Variants in SARDH observed in about 807,000 individuals in gnomAD.
SARDH encodes the protein sarcosine dehydrogenase, also known as sarcosine dehydrogenase, mitochondrial.
Under a neutral mutation model 109.1 loss-of-function variants are expected in SARDH, and 95 were observed. That is an observed-to-expected ratio of 0.87 (90% CI 0.74 to 1.03). The LOEUF (loss-of-function observed/expected upper bound fraction) is 1.03. Among genes scored for constraint, SARDH ranks in the 50% least tolerant of loss-of-function variants. The pLI is 0.00. For missense variants in SARDH, 1,267 were observed against 1,287.8 expected, an observed-to-expected ratio of 0.98 and a Z score of 0.25; for synonymous variants, 572 against 534.8, an observed-to-expected ratio of 1.07 and a Z score of -0.96.
At chr9:133,725,518 A>G (rs1471003398) in intron 6 of SARDH, 1 of 396,948 alleles carries the variant, frequency 2.5e-6, no homozygotes, top group Admixed American at 2.8e-5. Flanking sequence ...ACTAAAATAC[A>G]AAAAAAAATC....
chr9:133,703,053 C>G, intron 12 of SARDH, 24 bp from the exon 13 acceptor site: 1 of 1,594,820 alleles, frequency 6.3e-7, no homozygotes, highest in South Asian at 1.1e-5. Context: ...ACGTGGTCCT[C>G]AGCCTGCCTC....
intron 11 of SARDH, 48 bp downstream of exon 11, chr9:133,708,239 T>C: frequency 6.3e-7 from 1 of 1,584,638 alleles, no homozygotes; most frequent in East Asian, 2.2e-5. Flanking sequence ...CCTGAGGACG[T>C]CCCAGACCCT....
rs56179331 is a variant in SARDH at position 133,722,642 on chromosome 9, GCTCTCTCTCTCTCTCTCTCTCT to G, written c.916-3622_916-3601del. Among the ~76,000 whole-genome samples the G allele has an allele frequency of 3.5e-3, 509 of 145,846 alleles. 5 individuals carry two copies. The highest frequency in any genetic ancestry group is 0.013 in the African/African-American group (490 of 38,706). On this transcript the variant is annotated intron_variant, in intron 6 of 20. Transcript: ENST00000439388. ...AGGAAACCACTAAAAAACTACTAGC[GCTCTCTCTCTCTCTCTCTCTCT>G]CTCTCTCTCTCTCTTTCTCTCTTTC...
rs756240856 is a variant in SARDH at position 133,731,317 on chromosome 9, G to A, written c.678C>T (p.Ala226=). The A allele has an allele frequency of 1.2e-6, 2 of 1,614,134 alleles. No individual in the cohort carries two copies. The highest frequency in any genetic ancestry group is 3.3e-5 in the Admixed American group (2 of 60,018). The stretch of plus-strand genomic sequence containing the variant: ...CGGCCATCAGTACCTGTGCTCCTCG[G>A]GCAGAAGCTGCCCTGGCGAGGGTGG... ...TCTTLARAAS[A]RGAQVIENCP... is the part of the protein sequence containing the mutation. Residue 226 remains alanine, a synonymous_variant, in exon 4 of 21, where the codon GCC becomes GCT. Transcript: ENST00000439388.
At chr9:133,675,916 C>T (rs918595489) in intron 17 of SARDH, among the ~76,000 whole-genome samples, 4 of 152,028 alleles carry the variant, frequency 2.6e-5, no homozygotes, top group African/African-American at 9.7e-5. Flanking sequence ...CATAGGGAGG[C>T]CCTGTCTCTA....
rs558047456 is a variant in SARDH, at chr9:133,708,464, G to C, written c.1329-36C>G. The C allele has an allele frequency of 4.4e-6, 7 of 1,584,186 alleles. No homozygotes were observed. The Admixed American group carries it at 8.6e-5, about 19-fold the overall frequency. ...CAGGGGGACGGGTCACTGCTTTGGG[G>C]ATGGCCCGTCAGGGAAGGGCTAGCC... is the stretch of plus-strand genomic sequence containing the variant. On this transcript the variant is annotated intron_variant, in intron 10 of 20. Coordinates refer to ENST00000439388, the MANE Select transcript of SARDH (RefSeq NM_001134707.2).
In SARDH at chr9:133,702,968, C is replaced by A. The variant is rs770073449; in HGVS notation, c.1616G>T (p.Arg539Leu). 9.9e-6 allele frequency: 16 copies of A among 1,613,214 alleles called. No homozygotes were observed. The highest frequency in any genetic ancestry group is 1.3e-5 in the African/African-American group (1 of 74,918). The change falls in exon 13 of 21, where the codon CGC becomes CTC. Residue 539 changes from arginine (R) to leucine (L), a missense_variant. Coordinates refer to ENST00000439388, the MANE Select transcript of SARDH (RefSeq NM_001134707.2). ...GSRAHEDYAY[R>L]RLLADEYTFA... is the part of the protein sequence containing the mutation. ...GGTGTACTCGTCTGCCAGCAGCCTG[C>A]GGTAGGCGTAGTCCTCGTGCGCGCG...
chr9:133,727,215 A>C (rs775542221), intron 6 of SARDH, among the ~76,000 whole-genome samples: 2 of 152,168 alleles, frequency 1.3e-5, no homozygotes, highest in African/African-American at 2.4e-5. Context: ...AGAGCTCTCT[A>C]GGACCCAGGC....
intron 13 of SARDH, among the ~76,000 whole-genome samples, chr9:133,702,539 A>C (rs139739228): frequency 0.011 from 1,690 of 152,204 alleles, 33 homozygotes; most frequent in African/African-American, 0.039. Flanking sequence ...GGCTTCCAGG[A>C]GGGAGGACCC....
At chr9:133,729,245 G>A (rs535598285) in intron 6 of SARDH, among the ~76,000 whole-genome samples, 93 of 152,156 alleles carry the variant, frequency 6.1e-4, no homozygotes, top group African/African-American at 2.2e-3. Context: ...ACCATCCCTG[G>A]AGGGAGGAGT....
At chr9:133,703,125 G>T in intron 12 of SARDH, 96 bp from the exon 13 acceptor site, 2 of 1,050,300 alleles carry the variant, frequency 1.9e-6, no homozygotes, top group Non-Finnish European at 2.8e-6. Flanking sequence ...ATGGGGTCAG[G>T]CCTGGCCCTG....
intron 16 of SARDH, among the ~76,000 whole-genome samples, chr9:133,689,003 G>A (rs948886821): frequency 2.0e-5 from 3 of 152,208 alleles, no homozygotes; most frequent in Non-Finnish European, 4.4e-5. Flanking sequence ...CCTGAGAGGG[G>A]AGCAACTGGC....
In SARDH at chr9:133,677,082, C is replaced by T. The variant is rs145387018; in HGVS notation, c.2164-5385G>A. ...TGAACCTGAGAGGCGGAGGCTGTAG[C>T]GAGCCAAGGTCGCCCCACTGCACTC... On this transcript the variant is annotated intron_variant, in intron 17 of 20. Coordinates refer to ENST00000439388, the MANE Select transcript of SARDH (RefSeq NM_001134707.2). Among the ~76,000 whole-genome samples the T allele has an allele frequency of 3.6e-3, 547 of 152,106 alleles. 2 individuals carry two copies. Among genetic ancestry groups the T allele is most frequent in the African/African-American group, 0.011 (456 of 41,494 alleles).
At chr9:133,725,530 G>C in intron 6 of SARDH, 1 of 439,812 alleles carries the variant, frequency 2.3e-6, no homozygotes, top group South Asian at 1.6e-5. Flanking sequence ...AAAAAAATCA[G>C]CCGGGTGTGG....
At chr9:133,727,976 C>T (rs1398424354) in intron 6 of SARDH, among the ~76,000 whole-genome samples, 3 of 152,122 alleles carry the variant, frequency 2.0e-5, no homozygotes, top group Admixed American at 6.5e-5. Context: ...TCTGCCCGCC[C>T]TCCCAGAACC....
chr9:133,659,893 A>G (rs1353130832), downstream of SARDH, among the ~76,000 whole-genome samples: 2 of 152,046 alleles, frequency 1.3e-5, no homozygotes, highest in East Asian at 2.0e-4. Context: ...GCCAGCCCAG[A>G]GAAGGGTCCC....
chr9:133,694,348 G>A lies in SARDH; in HGVS notation c.1831C>T (p.Leu611Phe). 1 of 1,550,714 alleles carries A rather than the reference G, an allele frequency of 6.4e-7. No individual in the cohort carries two copies. Among genetic ancestry groups the A allele is most frequent in the Non-Finnish European group, 8.7e-7 (1 of 1,146,930 alleles). Residue 611 changes from leucine (L) to phenylalanine (F), a missense_variant, in exon 15 of 21, where the codon CTC (leucine) becomes TTC (phenylalanine). Coordinates refer to ENST00000439388, the MANE Select transcript of SARDH (RefSeq NM_001134707.2). Reference protein sequence around the residue: ...PPGSTVYTCMLNHRGGTESDL... With the variant: ...PPGSTVYTCMFNHRGGTESDL... ...CTCTCGGTGCCCCCACGGTGGTTGAGCATGCACGTGTACACGGTGGAGCCT... is the reference window on the plus strand; with the variant it reads ...CTCTCGGTGCCCCCACGGTGGTTGAACATGCACGTGTACACGGTGGAGCCT...
At chr9:133,729,906 G>T in intron 5 of SARDH, 41 bp from the exon 6 acceptor site, 1 of 1,604,470 alleles carries the variant, frequency 6.2e-7, no homozygotes, top group Non-Finnish European at 8.5e-7. Flanking sequence ...GCTGACACCT[G>T]GTGGGAGCTG....
chr9:133,694,177 G>T, intron 15 of SARDH, 81 bp downstream of exon 15: 1 of 1,053,292 alleles, frequency 9.5e-7, no homozygotes, highest in Non-Finnish European at 1.4e-6. Context: ...AGCCCATCCC[G>T]TCCATCCTGC....
Sources: gnomAD v4.1 joint callset for allele counts (sites outside exome capture counted in the v4.1 genomes callset) on GRCh38, gnomAD v4.1.1 for gene constraint, MANE v1.5 for transcripts, NCBI Gene and HGNC (gene_info 2026-07-23, HGNC 2026-07-21) for gene names.